The following CLVS1 variants were observed in gnomAD, a reference collection of about 807,000 sequenced individuals.
CLVS1 encodes clavesin 1.
In CLVS1, 10 loss-of-function variants were observed where a neutral mutation model predicts 33.1. That is an observed-to-expected ratio of 0.30 (90% CI 0.19 to 0.51). The LOEUF is 0.51. CLVS1 is among the 20% of genes least tolerant of loss of function. The pLI, the probability that CLVS1 is intolerant of heterozygous loss-of-function variation, is 0.97. For synonymous variants in CLVS1, 163 were observed against 166.1 expected (o/e 0.98, Z 0.14); for missense variants, 343 against 433.4 (o/e 0.79, Z 1.85).
chr8:61,002,465 A>C, the CLVS1 span, among the ~76,000 whole-genome samples: 2 of 150,668 alleles, frequency 1.3e-5, no homozygotes, highest in African/African-American at 4.9e-5. Context: ...AGTAGCTGGG[A>C]TTACAGGTGC....
intron 2 of CLVS1, among the ~76,000 whole-genome samples, chr8:61,338,617 A>G (rs780275286): frequency 6.6e-6 from 1 of 152,196 alleles, no homozygotes; most frequent in African/African-American, 2.4e-5. Flanking sequence ...TTCCAAAACC[A>G]TATGCTCATT....
intron 1 of CLVS1, among the ~76,000 whole-genome samples, chr8:61,095,269 G>GT: frequency 6.6e-6 from 1 of 151,948 alleles, no homozygotes. Context: ...ATAGCTCTTG[G>GT]TTTTTTAGGG....
intron 2 of CLVS1, among the ~76,000 whole-genome samples, chr8:61,306,166 G>A (rs1585778632): frequency 6.6e-6 from 1 of 152,146 alleles, no homozygotes; most frequent in African/African-American, 2.4e-5. Flanking sequence ...CAGTGTATAA[G>A]CATTCTTTTC....
chr8:61,194,333 A>G (rs1807557905), intron 2 of CLVS1, among the ~76,000 whole-genome samples: 1 of 152,004 alleles, frequency 6.6e-6, no homozygotes, highest in Admixed American at 6.6e-5. Context: ...AAGGTTAAGG[A>G]AAGACCAAAA....
At chr8:61,006,721 C>G in the CLVS1 span, among the ~76,000 whole-genome samples, 5 of 152,184 alleles carry the variant, frequency 3.3e-5, no homozygotes, top group African/African-American at 4.8e-5. Flanking sequence ...AAACATCACT[C>G]ACAAGGACCA....
intron 2 of CLVS1, among the ~76,000 whole-genome samples, chr8:61,321,498 ATGGT>A (rs1811194411): frequency 6.6e-6 from 1 of 151,806 alleles, no homozygotes; most frequent in Non-Finnish European, 1.5e-5. Flanking sequence ...ATGCGTGGGA[ATGGT>A]TGTTATTCTG....
At chr8:61,418,821 A>G (rs1213031712) in intron 3 of CLVS1, among the ~76,000 whole-genome samples, 1 of 152,206 alleles carries the variant, frequency 6.6e-6, no homozygotes, top group African/African-American at 2.4e-5. Flanking sequence ...GAGTTGATTG[A>G]ACACGAGTAA....
At chr8:61,482,389 C>T (rs1457589276) in intron 5 of CLVS1, among the ~76,000 whole-genome samples, 2 of 145,882 alleles carry the variant, frequency 1.4e-5, no homozygotes, top group East Asian at 2.0e-4. Flanking sequence ...TCAGATAATC[C>T]ATAATAACAA....
intron 3 of CLVS1, among the ~76,000 whole-genome samples, chr8:61,416,802 T>G (rs1399167762): frequency 2.0e-5 from 3 of 152,192 alleles, no homozygotes; most frequent in African/African-American, 7.2e-5. Flanking sequence ...CACTTTTCTT[T>G]GATTATTTAC....
At chr8:61,072,585 T>C (rs867430026) in intron 1 of CLVS1, among the ~76,000 whole-genome samples, 4 of 152,238 alleles carry the variant, frequency 2.6e-5, no homozygotes, top group Admixed American at 6.5e-5. Context: ...ATTTGTTAGT[T>C]AGCAAATTAC....
chr8:61,032,988 GGAAGGAAAGAAAGAAAGAAA>G, the CLVS1 span, among the ~76,000 whole-genome samples: 62 of 75,190 alleles, frequency 8.2e-4, 4 homozygotes, highest in African/African-American at 2.2e-3. Flanking sequence ...AAGGAAGGAA[GGAAGGAAAGAAAGAAAGAAA>G]GAAAGAAAGA....
At chr8:60,978,595 A>G in the CLVS1 span, among the ~76,000 whole-genome samples, 1 of 152,076 alleles carries the variant, frequency 6.6e-6, no homozygotes, top group African/African-American at 2.4e-5. Flanking sequence ...CAGGCGGATC[A>G]CCTGAGATTG....
chr8:61,300,778 T>G (rs958649203), intron 2 of CLVS1: 2 of 152,742 alleles, frequency 1.3e-5, no homozygotes, highest in African/African-American at 4.8e-5. Context: ...GACCCAAAAC[T>G]TGACCTATCC....
intron 2 of CLVS1, among the ~76,000 whole-genome samples, chr8:61,136,095 C>T (rs1189510963): frequency 6.6e-6 from 1 of 152,222 alleles, no homozygotes; most frequent in East Asian, 1.9e-4. Flanking sequence ...TGGAAGCCCA[C>T]AGTCTGTATT....
At position 61,499,586 on chromosome 8, in the gene CLVS1, T is replaced by TATC. The variant is rs777419197; in HGVS notation, c.*46_*48dup. On this transcript the variant is annotated 3_prime_UTR_variant, in exon 6 of 6. Transcript: ENST00000325897. ...GCTCCTGCACACTGGCCTTCAGTGG[T>TATC]ATCAGCCACCCAGGAAGCACATGCA... 19 of 1,464,570 alleles carry TATC rather than the reference T, an allele frequency of 1.3e-5. No individual in the cohort carries two copies. Among genetic ancestry groups the TATC allele is most frequent in the African/African-American group, 4.2e-5 (3 of 71,926 alleles). The allele number at this position is 1,464,570 out of a possible 1,614,324, so 90.7% of individuals were successfully genotyped here.
chr8:61,276,890 A>T (rs1440698579), intron 2 of CLVS1, among the ~76,000 whole-genome samples: 1 of 152,248 alleles, frequency 6.6e-6, no homozygotes, highest in Non-Finnish European at 1.5e-5. Flanking sequence ...AGCTGGCTTC[A>T]GTCCAATGTC....
intron 2 of CLVS1, among the ~76,000 whole-genome samples, chr8:61,179,200 T>C (rs1807180772): frequency 6.6e-6 from 1 of 152,152 alleles, no homozygotes; most frequent in Non-Finnish European, 1.5e-5. Context: ...GCAATCCTAA[T>C]TTATGGAAAA....
intron 2 of CLVS1, among the ~76,000 whole-genome samples, chr8:61,279,316 C>T (rs1039188698): frequency 6.6e-6 from 1 of 152,164 alleles, no homozygotes; most frequent in Non-Finnish European, 1.5e-5. Flanking sequence ...GTTTTCTCAT[C>T]TCTCCCAAGT....
At chr8:61,437,955 C>G (rs1816399025) in intron 3 of CLVS1, among the ~76,000 whole-genome samples, 1 of 152,186 alleles carries the variant, frequency 6.6e-6, no homozygotes, top group Non-Finnish European at 1.5e-5. Flanking sequence ...TAAGATCTGA[C>G]AGGCCTGGAT....
Sources: allele counts gnomAD v4.1 joint callset (sites outside exome capture counted in the v4.1 genomes callset), GRCh38; gene constraint gnomAD v4.1.1; transcripts MANE v1.5; gene names NCBI Gene and HGNC (gene_info 2026-07-23, HGNC 2026-07-21).